The following MED25 variants were observed in gnomAD, a reference collection of about 807,000 sequenced individuals.
The protein encoded by MED25 is mediator of RNA polymerase II transcription subunit 25.
A neutral mutation model predicts 89.4 loss-of-function variants in MED25; 62 were observed. The ratio of observed to expected loss-of-function variants is 0.69; its 90% CI spans 0.57 to 0.86. MED25 has a LOEUF of 0.86. Among genes scored for constraint, MED25 ranks in the 40% least tolerant of loss-of-function variants. The pLI is 0.00. For synonymous variants in MED25, 449 were observed against 427.9 expected, an observed-to-expected ratio of 1.05 and a Z score of -0.61; for missense variants, 905 against 1,005.2, an observed-to-expected ratio of 0.90 and a Z score of 1.35.
At chr19:49,838,794 C>T (rs566194457), downstream of MED25, 17 of 450,892 alleles carry the variant, frequency 3.8e-5, 2 homozygotes, top group East Asian at 2.8e-4. Context: ...CCATCCTCAA[C>T]GAACTGAAAA....
At chr19:49,819,614 T>C in intron 3 of MED25, 1 of 380,190 alleles carries the variant, frequency 2.6e-6, no homozygotes, top group Non-Finnish European at 5.0e-6. Flanking sequence ...TCAGCAATGT[T>C]GCCATCAGTT....
Position 49,834,169 on chromosome 19 carries a change from G to T in MED25, c.1483-817G>T. 6.6e-6 allele frequency: 1 copy of T among 152,364 alleles called. No individual in the cohort carries two copies. The highest frequency in any genetic ancestry group is 1.5e-5 in the Non-Finnish European group (1 of 68,082). The allele number at this position is 152,364 out of a possible 1,614,324, so 9.4% of individuals were successfully genotyped here. A position where few individuals can be genotyped will look rare whatever the true frequency, so the allele number is the denominator to read the frequency against. ...CCTCCTATCCCGGACCTAGGCCACT[G>T]GGCAGCCCCTAGTTGATGGGAGGCT... On this transcript the variant is annotated intron_variant, in intron 13 of 17. Coordinates refer to ENST00000312865, the MANE Select transcript of MED25 (RefSeq NM_030973.4). The surrounding 1 kb of genome is among the most constrained non-coding windows in gnomAD (Gnocchi z 4.1).
chr19:49,833,090 G>A (rs1440774833), intron 13 of MED25: 4 of 154,156 alleles, frequency 2.6e-5, no homozygotes, highest in Non-Finnish European at 5.8e-5. Context: ...GCTGGGGACT[G>A]GAACCTCAGC....
At position 49,822,252 on chromosome 19, in the gene MED25, G is replaced by A. The variant is rs1463721912; in HGVS notation, c.305+2956G>A. Among the ~76,000 whole-genome samples, 4 of 122,088 alleles carry A rather than the reference G, an allele frequency of 3.3e-5. No homozygotes were observed. The East Asian group carries it at 1.0e-3, about 31-fold the overall frequency. The allele number at this position is 122,088 out of a possible 152,430, so 80.1% of individuals were successfully genotyped here. ...CACTCCAGCCTGGGCAACAGAGCAA[G>A]ACTCTGTCTCAAAAAAAAAAAAAAA... On this transcript the variant is annotated intron_variant, in intron 3 of 17. Transcript: ENST00000312865.
chr19:49,831,452 G>A lies in MED25; in HGVS notation c.1221G>A (p.Glu407=), dbSNP rs1190676565. 1.9e-6 allele frequency: 3 copies of A among 1,612,364 alleles called. No homozygotes were observed. The Admixed American group carries it at 5.0e-5, about 27-fold the overall frequency. Residue 407 remains glutamate, a synonymous_variant, in exon 10 of 18, where the codon GAG becomes GAA. Transcript: ENST00000312865. This position sits in a 1 kb window ranked among gnomAD's most constrained non-coding sequence, Gnocchi z 5.0. ...TTCTGGCCTGGAGCGGGGTCCTGGA[G>A]TGGCAAGAGGTGAGGGGCCTGAGGG... The part of the protein sequence containing the change: ...NKLLAWSGVL[E]WQEKPKPASV...
chr19:49,838,518 T>G (rs565211822), downstream of MED25: 16 of 454,628 alleles, frequency 3.5e-5, no homozygotes, highest in Admixed American at 7.1e-5. Flanking sequence ...GCACTGTGGT[T>G]GTTCTGTGGT....
At chr19:49,826,175 C>T (rs2074014070) in intron 3 of MED25, among the ~76,000 whole-genome samples, 1 of 151,254 alleles carries the variant, frequency 6.6e-6, no homozygotes, top group African/African-American at 2.4e-5. Context: ...CCCGTCTCTA[C>T]TTAAAAATTA....
chr19:49,829,012 C>G lies in MED25; in HGVS notation c.447C>G (p.Pro149=), dbSNP rs543246660. 1 of 1,614,120 alleles carries G rather than the reference C, an allele frequency of 6.2e-7. No homozygotes were observed. The highest frequency in any genetic ancestry group is 1.3e-5 in the African/African-American group (1 of 75,032). Residue 149 remains proline (P), a synonymous_variant, in exon 5 of 18, where the codon CCC becomes CCG. Transcript: ENST00000312865. The surrounding 1 kb of genome is among the most constrained non-coding windows in gnomAD (Gnocchi z 4.6). ...HRVCLLICNS[P]PYLLPAVEST... ...TCTGCCTCCTCATCTGCAACTCACCCCCATACTTGTTGCCTGCTGTTGAGA... is the reference window on the plus strand; with the variant it reads ...TCTGCCTCCTCATCTGCAACTCACCGCCATACTTGTTGCCTGCTGTTGAGA...
chr19:49,829,231 C>T lies in MED25; in HGVS notation c.525+141C>T, dbSNP rs953196349. The T allele has an allele frequency of 1.7e-5, 12 of 725,824 alleles. No homozygotes were observed. In the African/African-American group the frequency reaches 2.1e-4, roughly 13 times the overall value. The allele number at this position is 725,824 out of a possible 1,614,324, so 45.0% of individuals were successfully genotyped here. A position where few individuals can be genotyped will look rare whatever the true frequency, so the allele number is the denominator to read the frequency against. On this transcript the variant is annotated intron_variant, in intron 5 of 17. Coordinates refer to ENST00000312865, the MANE Select transcript of MED25 (RefSeq NM_030973.4). This position sits in a 1 kb window ranked among gnomAD's most constrained non-coding sequence, Gnocchi z 4.6. The stretch of plus-strand genomic sequence containing the variant: ...GGACTCTTGGGTCTAAGCGGGGAGG[C>T]ACTGGGGGCCTGGACTCAGACACAG...
chr19:49,819,075 G>T (rs1230068962), intron 2 of MED25, 97 bp from the exon 3 acceptor site: 1 of 1,472,928 alleles, frequency 6.8e-7, no homozygotes, highest in Non-Finnish European at 9.4e-7. Context: ...GGAGTTCCTG[G>T]TTCTGGAGGA....
intron 3 of MED25, among the ~76,000 whole-genome samples, chr19:49,824,824 A>T (rs988284297): frequency 2.6e-5 from 4 of 151,962 alleles, no homozygotes; most frequent in African/African-American, 9.7e-5. Flanking sequence ...TCATGGCCGG[A>T]TGCTGTTAAC....
In MED25 at chr19:49,836,445, T is replaced by A. The variant is rs1462767073; in HGVS notation, c.2146+39T>A. 9 of 1,556,202 alleles carry A rather than the reference T, an allele frequency of 5.8e-6. No individual in the cohort carries two copies. In the East Asian group the frequency reaches 1.7e-4, roughly 29 times the overall value. ...GGGGAGGGCAGAGGTCTGGACTGAG[T>A]GTCCCAGCAGCTCCTGGGCTAGAGC... On this transcript the variant is annotated intron_variant, in intron 17 of 17. Transcript: ENST00000312865. The surrounding 1 kb of genome is among the most constrained non-coding windows in gnomAD (Gnocchi z 5.1).
intron 13 of MED25, among the ~76,000 whole-genome samples, 177 bp downstream of exon 13, chr19:49,832,592 C>T (rs899749301): frequency 2.0e-5 from 3 of 152,066 alleles, no homozygotes; most frequent in African/African-American, 4.8e-5. Context: ...TTATAATCAT[C>T]GTATGCACCA....
chr19:49,819,381 G>T, intron 3 of MED25, 85 bp downstream of exon 3: 1 of 1,483,654 alleles, frequency 6.7e-7, no homozygotes, highest in Non-Finnish European at 9.2e-7. Flanking sequence ...TGGTGTCCCC[G>T]TGAGAGGCTG....
chr19:49,823,690 A>G (rs1265186690), intron 3 of MED25, among the ~76,000 whole-genome samples: 1 of 152,042 alleles, frequency 6.6e-6, no homozygotes, highest in Non-Finnish European at 1.5e-5. Context: ...TTGTTCCAGT[A>G]TGTGCGTGCA....
chr19:49,838,474 G>A (rs1247560173), downstream of MED25: 3 of 421,678 alleles, frequency 7.1e-6, no homozygotes, highest in Non-Finnish European at 1.4e-5. Context: ...GCTTCCCTGT[G>A]AGGCAGAGAG....
Position 49,830,514 on chromosome 19 carries a change from CCCGGGAACCTGAGTGCAGCTCAGGTGG to C in MED25, c.827_853del (p.Gly276_Ala284del). ...CCTTCTTCCCTTCTACCCACAGGTT[CCCGGGAACCTGAGTGCAGCTCAGGTGG>C]CCGCGCAGAATGCAGTGGAGGCTGC... is the stretch of plus-strand genomic sequence containing the variant. On this transcript the variant is annotated inframe_deletion, in exon 8 of 18. Coordinates refer to ENST00000312865, the MANE Select transcript of MED25 (RefSeq NM_030973.4). The surrounding 1 kb of genome is among the most constrained non-coding windows in gnomAD (Gnocchi z 4.6). 6.2e-7 allele frequency: 1 copy of C among 1,614,070 alleles called. No homozygotes were observed. The highest frequency in any genetic ancestry group is 8.5e-7 in the Non-Finnish European group (1 of 1,179,978).
At position 49,830,843 on chromosome 19, in the gene MED25, G is replaced by T; in HGVS notation, c.1057G>T (p.Gly353Cys). ...QPSLVSTVAP[G>C]SGLAPTAQPG... ...CAGTCTGGTCTCCACTGTGGCCCCT[G>T]GCTCCGGCCTGGCTCCCACGGCACA... The change falls in exon 9 of 18, where the codon GGC becomes TGC. Residue 353 changes from glycine (G) to cysteine (C), a missense_variant. Coordinates refer to ENST00000312865, the MANE Select transcript of MED25 (RefSeq NM_030973.4). The surrounding 1 kb of genome is among the most constrained non-coding windows in gnomAD (Gnocchi z 4.6). 6.2e-7 allele frequency: 1 copy of T among 1,612,688 alleles called. No homozygotes were observed. The highest frequency in any genetic ancestry group is 8.5e-7 in the Non-Finnish European group (1 of 1,179,880).
Position 49,830,149 on chromosome 19 carries a change from C to G in MED25, c.750C>G (p.Ala250=), listed in dbSNP as rs1397405011. The G allele has an allele frequency of 3.7e-6, 6 of 1,604,766 alleles. No individual in the cohort carries two copies. Among genetic ancestry groups the G allele is most frequent in the Non-Finnish European group, 5.1e-6 (6 of 1,173,424 alleles). Residue 250 remains alanine, a synonymous_variant, in exon 7 of 18, where the codon GCC becomes GCG. Coordinates refer to ENST00000312865, the MANE Select transcript of MED25 (RefSeq NM_030973.4). This position sits in a 1 kb window ranked among gnomAD's most constrained non-coding sequence, Gnocchi z 4.6. ...AGCAGCCAGTCCCCCTGCCTCCCGC[C>G]GCACCCTCAGGTGCCACTCTCTCAG... ...QSKQPVPLPP[A]APSGATLSAA...
Sources: allele counts gnomAD v4.1 joint callset (sites outside exome capture counted in the v4.1 genomes callset), GRCh38; gene constraint gnomAD v4.1.1; non-coding constraint Gnocchi (gnomAD v3.1); transcripts MANE v1.5; gene names NCBI Gene and HGNC (gene_info 2026-07-23, HGNC 2026-07-21).